SLC24A5: variants seen among roughly 807,000 people sequenced by gnomAD.
SLC24A5 encodes the protein sodium/potassium/calcium exchanger 5.
Under a neutral mutation model 51.6 loss-of-function variants are expected in SLC24A5, and 46 were observed. That is an observed-to-expected ratio of 0.89 (90% CI 0.70 to 1.14). The LOEUF (loss-of-function observed/expected upper bound fraction) is 1.14. Among genes scored for constraint, SLC24A5 ranks in the 50% most tolerant of loss-of-function variants. SLC24A5 has a pLI of 0.00. For missense variants in SLC24A5, 581 were observed against 604.1 expected, an observed-to-expected ratio of 0.96 and a Z score of 0.40; for synonymous variants, 230 against 214.9, an observed-to-expected ratio of 1.07 and a Z score of -0.62.
intron 4 of SLC24A5, 145 bp from the exon 5 acceptor site, chr15:48,134,739 A>G: frequency 1.3e-6 from 1 of 758,862 alleles, no homozygotes; most frequent in Non-Finnish European, 2.1e-6. Context: ...GTAAGTTAGA[A>G]CACAATTTTA....
intron 2 of SLC24A5, among the ~76,000 whole-genome samples, chr15:48,127,716 G>A (rs1013616597): frequency 1.3e-5 from 2 of 152,088 alleles, no homozygotes; most frequent in African/African-American, 4.8e-5. Context: ...CCAGCTCCTC[G>A]GGAGGCTGAG....
At position 48,136,897 on chromosome 15, in the gene SLC24A5, T is replaced by C. The variant is rs1177585165; in HGVS notation, c.805T>C (p.Phe269Leu). 1.2e-6 allele frequency: 2 copies of C among 1,613,862 alleles called. No homozygotes were observed. The highest frequency in any genetic ancestry group is 1.7e-5 in the Admixed American group (1 of 60,000). Residue 269 changes from phenylalanine (F) to leucine (L), a missense_variant, in exon 6 of 9, where the codon TTT (phenylalanine) becomes CTT (leucine). Coordinates refer to ENST00000341459, the MANE Select transcript of SLC24A5 (RefSeq NM_205850.3). ...RRQSRTDSGI[F>L]YEDSGYSQLS... ...GCAATCAAGAACTGATAGTGGAATA[T>C]TTTATGAAGATTCTGGCTACTCTCA...
intron 2 of SLC24A5, among the ~76,000 whole-genome samples, chr15:48,126,537 G>C (rs1347415241): frequency 4.6e-5 from 7 of 152,194 alleles, no homozygotes; most frequent in African/African-American, 1.7e-4. Context: ...TCTGGGAAAA[G>C]AGTTAAAGAT....
chr15:48,126,428 G>A (rs1242588378), intron 2 of SLC24A5, among the ~76,000 whole-genome samples: 3 of 152,214 alleles, frequency 2.0e-5, no homozygotes, highest in Non-Finnish European at 2.9e-5. Flanking sequence ...ATTAATTGGT[G>A]TTGTAGAGGG....
chr15:48,131,966 G>A (rs79122997), intron 2 of SLC24A5, among the ~76,000 whole-genome samples: 2 of 152,112 alleles, frequency 1.3e-5, no homozygotes, highest in Admixed American at 6.6e-5. Flanking sequence ...TTAATGACTG[G>A]AGCTGGTATC....
At chr15:48,135,766 G>C (rs12914102) in intron 5 of SLC24A5, 3 of 151,858 alleles carry the variant, frequency 2.0e-5, no homozygotes, top group Non-Finnish European at 4.4e-5. Flanking sequence ...GCAGCACGGC[G>C]TAATACCTGC....
chr15:48,137,636 A>T (rs1046108598), intron 6 of SLC24A5: 4 of 152,200 alleles, frequency 2.6e-5, no homozygotes, highest in Non-Finnish European at 4.4e-5. Flanking sequence ...GGTGGGAATA[A>T]ATGAGAACAG....
chr15:48,141,360 CGAGGTCAGGAGTT>C (rs2039078434), intron 8 of SLC24A5, 146 bp downstream of exon 8: 12 of 549,466 alleles, frequency 2.2e-5, no homozygotes, highest in Non-Finnish European at 3.6e-5. Flanking sequence ...GGGTGGATCA[CGAGGTCAGGAGTT>C]TGAGACCAGC....
rs112130791 is a variant in SLC24A5, at chr15:48,130,218, G to A, written c.302-4040G>A. Among the ~76,000 whole-genome samples the A allele has an allele frequency of 4.7e-3, 719 of 152,178 alleles. 8 individuals are homozygous for A. Among genetic ancestry groups the A allele is most frequent in the African/African-American group, 0.017 (686 of 41,556 alleles). ...GTAATAGAGGAAAAAAAGAATAATAGCTATGGGAGGAAAAAACTAGAAAAA... is the reference window on the plus strand; with the variant it reads ...GTAATAGAGGAAAAAAAGAATAATAACTATGGGAGGAAAAAACTAGAAAAA... On this transcript the variant is annotated intron_variant, in intron 2 of 8. Coordinates refer to ENST00000341459, the MANE Select transcript of SLC24A5 (RefSeq NM_205850.3).
chr15:48,128,021 T>C (rs1171600119), intron 2 of SLC24A5, among the ~76,000 whole-genome samples: 1 of 151,468 alleles, frequency 6.6e-6, no homozygotes, highest in East Asian at 1.9e-4. Flanking sequence ...TAAACTATAT[T>C]CATTTAAAGA....
chr15:48,134,112 T>G, intron 2 of SLC24A5, 146 bp from the exon 3 acceptor site: 1 of 686,808 alleles, frequency 1.5e-6, no homozygotes, highest in Non-Finnish European at 2.5e-6. Context: ...AAGCAAAACA[T>G]TGGACTCTTT....
At chr15:48,124,399 T>A (rs1185510852) in intron 2 of SLC24A5, 2 of 152,132 alleles carry the variant, frequency 1.3e-5, no homozygotes, top group Admixed American at 1.3e-4. Context: ...ATAACCTTTT[T>A]GTACATTCTT....
intron 6 of SLC24A5, chr15:48,137,198 T>C (rs1432058999): frequency 6.7e-6 from 3 of 447,346 alleles, no homozygotes; most frequent in Non-Finnish European, 1.2e-5. Context: ...GTGACTGTGG[T>C]TCACAAATGG....
chr15:48,129,688 G>A (rs1325894352), intron 2 of SLC24A5, among the ~76,000 whole-genome samples: 2 of 151,154 alleles, frequency 1.3e-5, no homozygotes, highest in Non-Finnish European at 2.9e-5. Context: ...CCCCTTCATC[G>A]TCTAAATTTT....
chr15:48,135,146 G>A (rs1024050601), intron 5 of SLC24A5, 162 bp downstream of exon 5: 9 of 541,300 alleles, frequency 1.7e-5, no homozygotes, highest in South Asian at 2.8e-5. Context: ...TGCTGATTGA[G>A]TTCTTCTCAC....
Position 48,134,935 on chromosome 15 carries a change from A to G in SLC24A5, c.541A>G (p.Ile181Val), listed in dbSNP as rs1168442969. ...ATTCAGAGACTGTGCAGCGTACACA[A>G]TTAGTGCAGCAGCAGTTCTTGGTAT... ...PLFRDCAAYTISAAAVLGIIY... is the reference protein window; with the variant it reads ...PLFRDCAAYTVSAAAVLGIIY... The change falls in exon 5 of 9, where the codon ATT becomes GTT. Residue 181 changes from isoleucine (I) to valine (V), a missense_variant. Transcript: ENST00000341459. The G allele has an allele frequency of 6.2e-7, 1 of 1,612,518 alleles. No homozygotes were observed. Among genetic ancestry groups the G allele is most frequent in the Non-Finnish European group, 8.5e-7 (1 of 1,178,910 alleles).
chr15:48,132,449 T>C (rs1175547865), intron 2 of SLC24A5, among the ~76,000 whole-genome samples: 1 of 152,180 alleles, frequency 6.6e-6, no homozygotes, highest in East Asian at 1.9e-4. Flanking sequence ...AATATTTGTC[T>C]ATTTTGTTCA....
intron 2 of SLC24A5, among the ~76,000 whole-genome samples, chr15:48,125,103 T>G (rs1469557427): frequency 6.6e-6 from 1 of 152,140 alleles, no homozygotes; most frequent in African/African-American, 2.4e-5. Context: ...AGTTTCTTGA[T>G]GAGCATTGAG....
Position 48,128,832 on chromosome 15 carries a change from G to A in SLC24A5, c.302-5426G>A, listed in dbSNP as rs147633341. Among the ~76,000 whole-genome samples the A allele has an allele frequency of 1.8e-4, 27 of 152,176 alleles. No homozygotes were observed. In the East Asian group the frequency reaches 4.2e-3, roughly 24 times the overall value. ...TGCTAAGTACTCAGTATTTTACCAC[G>A]ATGCTATTGCAGGAACAAGAAATAA... On this transcript the variant is annotated intron_variant, in intron 2 of 8. Coordinates refer to ENST00000341459, the MANE Select transcript of SLC24A5 (RefSeq NM_205850.3).
Sources: allele counts gnomAD v4.1 joint callset (sites outside exome capture counted in the v4.1 genomes callset), GRCh38; gene constraint gnomAD v4.1.1; transcripts MANE v1.5; gene names NCBI Gene and HGNC (gene_info 2026-07-23, HGNC 2026-07-21).